MYO10: variants seen among roughly 807,000 people sequenced by gnomAD.
MYO10 encodes unconventional myosin-X.
A neutral mutation model predicts 257.3 loss-of-function variants in MYO10; 133 were observed. The ratio of observed to expected loss-of-function variants is 0.52; its 90% CI spans 0.45 to 0.60. The LOEUF is 0.60. Among genes scored for constraint, MYO10 ranks in the 20% least tolerant of loss-of-function variants. The pLI is 0.00. For synonymous variants in MYO10, 1,104 were observed against 1,028.6 expected (o/e 1.07, Z -1.40); for missense variants, 2,399 against 2,635.7 (o/e 0.91, Z 1.97).
chr5:16,722,752 G>T (rs1463674562), intron 19 of MYO10, among the ~76,000 whole-genome samples: 4 of 152,140 alleles, frequency 2.6e-5, no homozygotes, highest in Non-Finnish European at 1.5e-5. Flanking sequence ...GATAACATAG[G>T]AAATAATCTA....
At chr5:16,913,421 T>C (rs1745727901) in intron 1 of MYO10, among the ~76,000 whole-genome samples, 1 of 152,258 alleles carries the variant, frequency 6.6e-6, no homozygotes, top group Admixed American at 6.5e-5. Context: ...TCTCCTTGTA[T>C]ATACGTGTAT....
rs1334817143 is a variant in MYO10, at chr5:16,665,059, C to T, written c.*1633G>A. The T allele has an allele frequency of 1.3e-5, 2 of 152,122 alleles. No homozygotes were observed. The highest frequency in any genetic ancestry group is 2.4e-5 in the African/African-American group (1 of 41,370). 9.4% of individuals were successfully genotyped at this position (152,122 alleles called of 1,614,324 possible). On this transcript the variant is annotated 3_prime_UTR_variant, in exon 41 of 41. Coordinates refer to ENST00000513610, the MANE Select transcript of MYO10 (RefSeq NM_012334.3). ...CTCTACTAAAAATACAAAACCTAGC[C>T]AGGCGTGGTGATGCATGCCTGTACT...
At chr5:16,747,260 G>A (rs926890530) in intron 19 of MYO10, among the ~76,000 whole-genome samples, 1 of 152,162 alleles carries the variant, frequency 6.6e-6, no homozygotes, top group African/African-American at 2.4e-5. Flanking sequence ...ACCTACTGGC[G>A]ATGCCCGGGT....
At chr5:16,918,044 C>A (rs575938315) in intron 1 of MYO10, among the ~76,000 whole-genome samples, 35 of 152,322 alleles carry the variant, frequency 2.3e-4, no homozygotes, top group African/African-American at 7.9e-4. Flanking sequence ...CCAAGTAGCA[C>A]CACCTTAACT....
chr5:16,688,586 C>G (rs1447081274), intron 28 of MYO10, among the ~76,000 whole-genome samples: 1 of 151,820 alleles, frequency 6.6e-6, no homozygotes, highest in East Asian at 1.9e-4. Flanking sequence ...ATAAAAAATA[C>G]AACATTTGCC....
At chr5:16,894,616 C>T (rs1208655474) in intron 1 of MYO10, among the ~76,000 whole-genome samples, 4 of 152,124 alleles carry the variant, frequency 2.6e-5, no homozygotes, top group South Asian at 4.1e-4. Flanking sequence ...TGGCCACTGA[C>T]GCATTTAACA....
intron 1 of MYO10, among the ~76,000 whole-genome samples, chr5:16,894,957 A>G (rs1745177006): frequency 6.6e-6 from 1 of 151,292 alleles, no homozygotes; most frequent in Admixed American, 6.6e-5. Flanking sequence ...CCCTCCATAA[A>G]CTATTAACAG....
At chr5:16,738,097 G>A in intron 19 of MYO10, 1 of 976,794 alleles carries the variant, frequency 1.0e-6, no homozygotes, top group Non-Finnish European at 1.2e-6. Context: ...GCTTAGAGGA[G>A]GGTTTTGAGG....
chr5:16,685,711 C>T (rs781014884), intron 29 of MYO10, 27 bp downstream of exon 29: 11 of 1,508,290 alleles, frequency 7.3e-6, no homozygotes, highest in African/African-American at 1.4e-5. Flanking sequence ...AGACGCCCCA[C>T]CCCCATCCCA....
At chr5:16,815,919 C>CTG (rs11471822) in intron 3 of MYO10, among the ~76,000 whole-genome samples, 134,967 of 151,974 alleles carry the variant, frequency 0.89, 60,852 homozygotes, top group Middle Eastern at 0.98. Flanking sequence ...AATCTAAAGA[C>CTG]AGGACAAGCT....
chr5:16,889,357 G>T (rs766045751), intron 1 of MYO10, among the ~76,000 whole-genome samples: 2 of 151,926 alleles, frequency 1.3e-5, no homozygotes, highest in African/African-American at 2.4e-5. Flanking sequence ...GGTGAGCCGA[G>T]ATCACGCCAC....
At chr5:16,816,441 TTCTCAG>T (rs555855952) in intron 3 of MYO10, among the ~76,000 whole-genome samples, 338 of 151,926 alleles carry the variant, frequency 2.2e-3, no homozygotes, top group African/African-American at 7.7e-3. Flanking sequence ...CCCAGCTCCT[TTCTCAG>T]TCTAAGGGTA....
At chr5:16,851,993 G>C (rs1309236935) in intron 2 of MYO10, among the ~76,000 whole-genome samples, 1 of 138,428 alleles carries the variant, frequency 7.2e-6, no homozygotes, top group East Asian at 2.3e-4. Flanking sequence ...GGAGGTTGCA[G>C]TGAGCCAAGA....
chr5:16,881,101 C>G (rs1463397659), intron 1 of MYO10, among the ~76,000 whole-genome samples: 1 of 152,136 alleles, frequency 6.6e-6, no homozygotes, highest in Admixed American at 6.6e-5. Flanking sequence ...TAACTCCAAC[C>G]CAGAACCCCT....
chr5:16,864,257 T>C (rs2126748748), intron 2 of MYO10, among the ~76,000 whole-genome samples: 1 of 152,266 alleles, frequency 6.6e-6, no homozygotes, highest in Non-Finnish European at 1.5e-5. Context: ...TCTGATGACT[T>C]ATTTGGCTTC....
In MYO10 at chr5:16,874,346, G is replaced by T. The variant is rs1382977955; in HGVS notation, c.120+3263C>A. On this transcript the variant is annotated intron_variant, in intron 2 of 40. Transcript: ENST00000513610. The stretch of plus-strand genomic sequence containing the variant: ...AAGACTCCATCTAAAAAAAAAAGCG[G>T]GGGGGGGGGGGGGTTTCTTTTCTAT... 5.3e-3 allele frequency among the ~76,000 whole-genome samples: 172 copies of T among 32,182 alleles called. 3 individuals are homozygous for T. The highest frequency in any genetic ancestry group is 0.022 in the African/African-American group (154 of 6,922). 21.1% of individuals were successfully genotyped at this position (32,182 alleles called of 152,430 possible).
chr5:16,742,729 T>C (rs1740057101), intron 19 of MYO10, among the ~76,000 whole-genome samples: 1 of 150,946 alleles, frequency 6.6e-6, no homozygotes, highest in African/African-American at 2.4e-5. Context: ...GAGAATTGCT[T>C]GAAAACAGGA....
chr5:16,836,502 G>A (rs1448882502), intron 2 of MYO10, among the ~76,000 whole-genome samples: 3 of 152,150 alleles, frequency 2.0e-5, no homozygotes, highest in Admixed American at 2.0e-4. Flanking sequence ...GACTACACAT[G>A]TGCCCAAGAA....
chr5:16,912,052 GTTGT>G (rs372889905), intron 1 of MYO10, among the ~76,000 whole-genome samples: 84 of 151,980 alleles, frequency 5.5e-4, no homozygotes, highest in Admixed American at 1.8e-3. Context: ...AAAAAATTAG[GTTGT>G]TTGTTTGTTT....
Sources: allele counts gnomAD v4.1 joint callset (sites outside exome capture counted in the v4.1 genomes callset), GRCh38; gene constraint gnomAD v4.1.1; transcripts MANE v1.5; gene names NCBI Gene and HGNC (gene_info 2026-07-23, HGNC 2026-07-21).